Variants in NUMB observed in about 807,000 individuals in gnomAD.
The protein encoded by NUMB is protein numb homolog.
Under a neutral mutation model 59.7 loss-of-function variants are expected in NUMB, and 29 were observed. The ratio of observed to expected loss-of-function variants is 0.49; its 90% CI spans 0.36 to 0.66. NUMB has a LOEUF of 0.66. NUMB is among the 30% of genes least tolerant of loss of function. NUMB has a pLI of 0.00. For missense variants in NUMB, 723 were observed against 822.0 expected (o/e 0.88, Z 1.47); for synonymous variants, 288 against 288.2 (o/e 1.00, Z 0.01).
intron 1 of NUMB, among the ~76,000 whole-genome samples, chr14:73,436,016 A>G (rs1033745900): frequency 2.6e-5 from 4 of 152,104 alleles, no homozygotes; most frequent in African/African-American, 4.8e-5. Context: ...AAAAAAAAAA[A>G]AAAGAAAATG....
At chr14:73,420,265 A>C (rs1261330333) in intron 1 of NUMB, among the ~76,000 whole-genome samples, 1 of 152,210 alleles carries the variant, frequency 6.6e-6, no homozygotes, top group East Asian at 1.9e-4. Context: ...CGTCTGACAC[A>C]ATCTATAAGC....
At chr14:73,399,419 C>T (rs1378367850) in intron 2 of NUMB, among the ~76,000 whole-genome samples, 7 of 152,038 alleles carry the variant, frequency 4.6e-5, no homozygotes, top group African/African-American at 1.2e-4. Flanking sequence ...CAAAATTAGC[C>T]GGGTGTGGTG....
At chr14:73,318,169 T>C (rs1271996888) in intron 5 of NUMB, among the ~76,000 whole-genome samples, 4 of 152,216 alleles carry the variant, frequency 2.6e-5, no homozygotes, top group African/African-American at 7.2e-5. Flanking sequence ...AAAGTTAAGA[T>C]ATTCACCATT....
intron 1 of NUMB, among the ~76,000 whole-genome samples, chr14:73,435,136 A>G (rs1370022997): frequency 2.0e-5 from 3 of 152,220 alleles, no homozygotes; most frequent in Admixed American, 2.0e-4. Flanking sequence ...TACTCACTAG[A>G]ATGACTAAAA....
intron 2 of NUMB, among the ~76,000 whole-genome samples, chr14:73,385,936 T>C (rs1192068164): frequency 6.6e-6 from 1 of 152,236 alleles, no homozygotes; most frequent in East Asian, 1.9e-4. Context: ...TTCAAATAAG[T>C]ACTTTTATTT....
chr14:73,455,417 C>T (rs1024726568), intron 1 of NUMB, among the ~76,000 whole-genome samples: 1 of 152,154 alleles, frequency 6.6e-6, no homozygotes, highest in Non-Finnish European at 1.5e-5. Flanking sequence ...CATACATATT[C>T]TTTTTAAAAA....
intron 4 of NUMB, among the ~76,000 whole-genome samples, chr14:73,350,185 T>G (rs925092762): frequency 3.3e-5 from 5 of 150,110 alleles, no homozygotes; most frequent in African/African-American, 1.2e-4. Context: ...TTTTTTTTTT[T>G]TTTTTTGAGA....
chr14:73,405,688 G>A (rs1431506166), intron 2 of NUMB, among the ~76,000 whole-genome samples: 1 of 152,042 alleles, frequency 6.6e-6, no homozygotes, highest in Non-Finnish European at 1.5e-5. Context: ...ATCTGGGAAT[G>A]GAAAGCCTCC....
At chr14:73,354,199 A>G (rs534656389) in intron 4 of NUMB, among the ~76,000 whole-genome samples, 1 of 152,214 alleles carries the variant, frequency 6.6e-6, no homozygotes, top group South Asian at 2.1e-4. Context: ...GAAAATCATA[A>G]GAATATTTAC....
At position 73,320,140 on chromosome 14, in the gene NUMB, G is replaced by GA. The variant is rs1004479208; in HGVS notation, c.201+2989_201+2990insT. On this transcript the variant is annotated intron_variant, in intron 5 of 12. Transcript: ENST00000555238. ...GAGCAAGACTCCGACTCGGCGGGGG[G>GA]GCAAAAAAAGAATGGGGATGTTTCA... Among the ~76,000 whole-genome samples the GA allele has an allele frequency of 4.0e-4, 60 of 151,488 alleles. No individual in the cohort carries two copies. In the East Asian group the frequency reaches 7.6e-3, roughly 19 times the overall value.
intron 2 of NUMB, among the ~76,000 whole-genome samples, chr14:73,398,415 AGT>A (rs57407662): frequency 0.21 from 25,146 of 118,324 alleles, 2,290 homozygotes; most frequent in Non-Finnish European, 0.27. Context: ...AGAGAGAGAG[AGT>A]GTGTGTGTGT....
At chr14:73,452,713 A>C (rs1340774183) in intron 1 of NUMB, among the ~76,000 whole-genome samples, 2 of 152,152 alleles carry the variant, frequency 1.3e-5, no homozygotes, top group East Asian at 1.9e-4. Context: ...TGGTCTAGTT[A>C]AGGTTGCTGG....
chr14:73,434,753 A>G lies in NUMB; in HGVS notation c.-233+23740T>C, dbSNP rs190272895. On this transcript the variant is annotated intron_variant, in intron 1 of 12. Coordinates refer to ENST00000555238, the MANE Select transcript of NUMB (RefSeq NM_001005743.2). ...AAATGAAAAAACCATAGCTCTCTAC[A>G]AAACACAGCCTGAAGTCTTTCTTTT... Among the ~76,000 whole-genome samples, 11 of 152,328 alleles carry G rather than the reference A, an allele frequency of 7.2e-5. No homozygotes were observed. The East Asian group carries it at 2.1e-3, about 29-fold the overall frequency.
At chr14:73,390,686 G>A (rs1188845544) in intron 2 of NUMB, among the ~76,000 whole-genome samples, 5 of 105,342 alleles carry the variant, frequency 4.7e-5, no homozygotes, top group Non-Finnish European at 7.1e-5. Context: ...GTCTTGCTCT[G>A]TCGCCCAGGC....
intron 4 of NUMB, among the ~76,000 whole-genome samples, chr14:73,339,274 C>A (rs1892508815): frequency 6.6e-6 from 1 of 152,136 alleles, no homozygotes; most frequent in African/African-American, 2.4e-5. Context: ...ATAGGGCTGA[C>A]AGTATTGAAA....
At chr14:73,342,373 CAG>C (rs1235124393) in intron 4 of NUMB, among the ~76,000 whole-genome samples, 1 of 152,220 alleles carries the variant, frequency 6.6e-6, no homozygotes, top group African/African-American at 2.4e-5. Context: ...ACTTGTCACA[CAG>C]AGTTATCTTC....
At chr14:73,290,503 G>C (rs1889319132) in intron 8 of NUMB, among the ~76,000 whole-genome samples, 1 of 152,212 alleles carries the variant, frequency 6.6e-6, no homozygotes, top group Admixed American at 6.5e-5. Context: ...ATCTGACTCA[G>C]AGCCTGAGCT....
chr14:73,333,936 C>A (rs1045870326), intron 4 of NUMB, among the ~76,000 whole-genome samples: 1 of 151,924 alleles, frequency 6.6e-6, no homozygotes, highest in Non-Finnish European at 1.5e-5. Context: ...GCGATCTCAG[C>A]TCACTGCAAC....
intron 1 of NUMB, among the ~76,000 whole-genome samples, chr14:73,446,777 A>G (rs1381671856): frequency 6.6e-6 from 1 of 152,046 alleles, no homozygotes; most frequent in East Asian, 1.9e-4. Flanking sequence ...AAATTAATAA[A>G]TAAACATAAA....
Sources: gnomAD v4.1 joint callset for allele counts (sites outside exome capture counted in the v4.1 genomes callset) on GRCh38, gnomAD v4.1.1 for gene constraint, MANE v1.5 for transcripts, NCBI Gene and HGNC (gene_info 2026-07-23, HGNC 2026-07-21) for gene names.